Variants in NAPRT observed in about 807,000 individuals in gnomAD.
NAPRT encodes the protein FHA-HIT-interacting protein.
In NAPRT, 66 loss-of-function variants were observed where a neutral mutation model predicts 60.7. The observed-to-expected ratio is 1.09, with a 90% CI of 0.89 to 1.33. NAPRT has a LOEUF of 1.33. Among genes scored for constraint, NAPRT ranks in the 40% most tolerant of loss-of-function variants. NAPRT has a pLI of 0.00. For missense variants in NAPRT, 818 were observed against 731.5 expected, an observed-to-expected ratio of 1.12 and a Z score of -1.36; for synonymous variants, 405 against 335.7, an observed-to-expected ratio of 1.21 and a Z score of -2.26.
intron 5 of NAPRT, 82 bp from the exon 6 acceptor site, chr8:143,576,924 A>T (rs908758086): frequency 1.3e-6 from 2 of 1,507,916 alleles, no homozygotes; most frequent in African/African-American, 1.4e-5. Flanking sequence ...CTAGTTTGAG[A>T]GCAAAGGTAA....
rs1243001414 is a variant in NAPRT at position 143,578,322 on chromosome 8, G to C, written c.-4C>G. 2 of 1,354,456 alleles carry C rather than the reference G, an allele frequency of 1.5e-6. No individual in the cohort carries two copies. Among genetic ancestry groups the C allele is most frequent in the Non-Finnish European group, 9.4e-7 (1 of 1,062,222 alleles). The allele number at this position is 1,354,456 out of a possible 1,614,324, so 83.9% of individuals were successfully genotyped here. A position where few individuals can be genotyped will look rare whatever the true frequency, so the allele number is the denominator to read the frequency against. On this transcript the variant is annotated 5_prime_UTR_variant, in exon 1 of 13. Coordinates refer to ENST00000449291, the MANE Select transcript of NAPRT (RefSeq NM_145201.6). ...CGGGGTCCTGCTCCGCCGCCATCCTGCTCCCGACGTCCGGACTCCGCCCCG... is the reference window on the plus strand; with the variant it reads ...CGGGGTCCTGCTCCGCCGCCATCCTCCTCCCGACGTCCGGACTCCGCCCCG...
At chr8:143,572,900 C>T (rs1410583973), downstream of NAPRT, 5 of 666,586 alleles carry the variant, frequency 7.5e-6, no homozygotes, top group Non-Finnish European at 1.2e-5. Flanking sequence ...CCTGCCTGGG[C>T]TGCTGGAGGG....
At chr8:143,576,335 C>T (rs114291348) in intron 7 of NAPRT, 97 bp downstream of exon 7, 57,789 of 1,484,988 alleles carry the variant, frequency 0.039, 1,583 homozygotes, top group Admixed American at 0.12. Flanking sequence ...GCAGTATCAC[C>T]GCTGAAACTT....
rs1460190862 is a variant in NAPRT at position 143,577,164 on chromosome 8, G to A, written c.582C>T (p.Ser194=). The A allele has an allele frequency of 1.2e-6, 2 of 1,612,140 alleles. No homozygotes were observed. Among genetic ancestry groups the A allele is most frequent in the Admixed American group, 1.7e-5 (1 of 59,962 alleles). ...TYSYLGGFDS[S]SNVLAGQLRG... is the part of the protein sequence containing the mutation. ...GCAGCTGGCCCGCTAGCACGTTGCT[G>A]CTGCTGTCGAAGCCTGGGGAGGAAG... Residue 194 remains serine (S), a synonymous_variant, in exon 5 of 13, where the codon AGC becomes AGT. Transcript: ENST00000449291.
In NAPRT at chr8:143,576,533, C is replaced by T. The variant is rs1487979666; in HGVS notation, c.921G>A (p.Leu307=). The T allele has an allele frequency of 6.2e-7, 1 of 1,612,232 alleles. No individual in the cohort carries two copies. The highest frequency in any genetic ancestry group is 8.5e-7 in the Non-Finnish European group (1 of 1,179,670). The change falls in exon 7 of 13, where the codon CTG becomes CTA. Residue 307 remains leucine (L), a synonymous_variant. Transcript: ENST00000449291. ...LPNFLAVALA[L]GELGYRAVGV... ...CCACTGCCCGGTAGCCCAGCTCTCCCAGGGCCAGGGCGACTGCTAGGAAGT... is the reference window on the plus strand; with the variant it reads ...CCACTGCCCGGTAGCCCAGCTCTCCTAGGGCCAGGGCGACTGCTAGGAAGT...
At position 143,576,747 on chromosome 8, in the gene NAPRT, C is replaced by T. The variant is rs1824493792; in HGVS notation, c.780G>A (p.Gly260=). 2 of 1,607,720 alleles carry T rather than the reference C, an allele frequency of 1.2e-6. No homozygotes were observed. The highest frequency in any genetic ancestry group is 2.7e-5 in the African/African-American group (2 of 74,808). The change falls in exon 6 of 13, where the codon GGG becomes GGA. Residue 260 remains glycine, a synonymous_variant. Transcript: ENST00000449291. Reference sequence around the variant, plus strand: ...GCTCGCCTGGATGCGGCTCCTGCACCCCCAGCCCCAGGTGGGCACACACCT... The same window carrying T: ...GCTCGCCTGGATGCGGCTCCTGCACTCCCAGCCCCAGGTGGGCACACACCT... The part of the protein sequence containing the change: ...LEQVCAHLGL[G]VQEPHPGERA...
Position 143,575,056 on chromosome 8 carries a change from G to C in NAPRT, c.1484C>G (p.Ala495Gly), listed in dbSNP as rs1402968073. ...EPLPSLAESR[A>G]LAQLSLSRLS... ...TCGGCTCAGGGACAGCTGGGCCAAG[G>C]CTCTAGACTCTGCCAGGGATGGGAG... Residue 495 changes from alanine (A) to glycine (G), a missense_variant, in exon 12 of 13, where the codon GCC becomes GGC. Physicochemically the swap from Ala to Gly is moderately conservative, Grantham distance 60. Coordinates refer to ENST00000449291, the MANE Select transcript of NAPRT (RefSeq NM_145201.6). 6.6e-7 allele frequency: 1 copy of C among 1,509,232 alleles called. No homozygotes were observed. Among genetic ancestry groups the C allele is most frequent in the African/African-American group, 1.4e-5 (1 of 72,306 alleles). 93.5% of individuals were successfully genotyped at this position (1,509,232 alleles called of 1,614,324 possible).
In NAPRT at chr8:143,577,385, T is replaced by C; in HGVS notation, c.452A>G (p.Asn151Ser). 1 of 1,607,842 alleles carries C rather than the reference T, an allele frequency of 6.2e-7. No individual in the cohort carries two copies. Among genetic ancestry groups the C allele is most frequent in the Non-Finnish European group, 8.5e-7 (1 of 1,178,172 alleles). Residue 151 changes from asparagine to serine, a missense_variant, in exon 4 of 13, where the codon AAC (asparagine) becomes AGC (serine). Coordinates refer to ENST00000449291, the MANE Select transcript of NAPRT (RefSeq NM_145201.6). The part of the protein sequence containing the change: ...LVSYASLVAT[N>S]AARLRLIAGP... ...TGCGATCAAGCGAAGCCGCGCTGCG[T>C]TGGTGGCCACCAGGCTGTGGGGAGC...
rs148205878 is a variant in NAPRT at position 143,576,721 on chromosome 8, C to T, written c.806G>A (p.Arg269Gln). The T allele has an allele frequency of 3.8e-5, 61 of 1,609,266 alleles. No individual in the cohort carries two copies. The Admixed American group carries it at 6.0e-4, about 16-fold the overall frequency. The change falls in exon 6 of 13, where the codon CGG becomes CAG. Residue 269 changes from arginine to glutamine, a missense_variant. Coordinates refer to ENST00000449291, the MANE Select transcript of NAPRT (RefSeq NM_145201.6). ...LGVQEPHPGE[R>Q]AAFVAYALAF... ...CAAGGCATAGGCCACAAAGGCTGCC[C>T]GCTCGCCTGGATGCGGCTCCTGCAC...
Position 143,577,941 on chromosome 8 carries a change from C to T in NAPRT, c.229G>A (p.Val77Met), listed in dbSNP as rs754994911. The T allele has an allele frequency of 3.1e-6, 5 of 1,608,248 alleles. No homozygotes were observed. The highest frequency in any genetic ancestry group is 1.1e-5 in the South Asian group (1 of 90,820). ...GGCAGCACCGAGGCCAGGAACTGCA[C>T]GTCTGGAAACGAGGTAACTGCGCTG... ...LRAFRLRDADVQFLASVLPPD... is the reference protein window; with the variant it reads ...LRAFRLRDADMQFLASVLPPD... The change falls in exon 2 of 13, where the codon GTG becomes ATG. Residue 77 changes from valine to methionine, a missense_variant and splice_region_variant. Coordinates refer to ENST00000449291, the MANE Select transcript of NAPRT (RefSeq NM_145201.6).
chr8:143,576,431 C>T lies in NAPRT; in HGVS notation c.1022+1G>A. On this transcript the variant is annotated splice_donor_variant, in intron 7 of 12. Coordinates refer to ENST00000449291, the MANE Select transcript of NAPRT (RefSeq NM_145201.6). LOFTEE classifies it high-confidence loss of function. ...GCACACCTCCTCCCCGGGAAACTCACTGGGCTGCAGCAGCTCGGAAGACCT... is the reference window on the plus strand; with the variant it reads ...GCACACCTCCTCCCCGGGAAACTCATTGGGCTGCAGCAGCTCGGAAGACCT... 1.3e-6 allele frequency: 2 copies of T among 1,599,964 alleles called. No homozygotes were observed. The highest frequency in any genetic ancestry group is 1.7e-6 in the Non-Finnish European group (2 of 1,172,036).
At position 143,576,682 on chromosome 8, in the gene NAPRT, G is replaced by A. The variant is rs555941939; in HGVS notation, c.845C>T (p.Ala282Val). 3 of 1,611,358 alleles carry A rather than the reference G, an allele frequency of 1.9e-6. No individual in the cohort carries two copies. The highest frequency in any genetic ancestry group is 2.2e-5 in the East Asian group (1 of 44,832). The change falls in exon 6 of 13, where the codon GCC becomes GTC. Residue 282 changes from alanine (A) to valine (V), a missense_variant. By Grantham distance (64) the Ala-to-Val change is moderately conservative. Transcript: ENST00000449291. ...GTAGGTGTCCAGGAGGCCCTGGAAG[G>A]CCCGGGGAAAAGCCAAGGCATAGGC... ...FVAYALAFPR[A>V]FQGLLDTYSV... is the part of the protein sequence containing the mutation.
intron 3 of NAPRT, 54 bp downstream of exon 3, chr8:143,577,603 G>T (rs1248296390): frequency 6.6e-7 from 1 of 1,525,548 alleles, no homozygotes; most frequent in Admixed American, 2.0e-5. Flanking sequence ...ACGGAGCCCC[G>T]GCGCTGGGGG....
chr8:143,573,272 C>CAGTGA (rs1824186139), downstream of NAPRT, among the ~76,000 whole-genome samples: 1 of 152,214 alleles, frequency 6.6e-6, no homozygotes, highest in South Asian at 2.1e-4. Context: ...GAGCTTGGGG[C>CAGTGA]AGCCCGGAGG....
rs375446957 is a variant in NAPRT at position 143,576,912 on chromosome 8, C to T, written c.685-70G>A. On this transcript the variant is annotated intron_variant, in intron 5 of 12. Coordinates refer to ENST00000449291, the MANE Select transcript of NAPRT (RefSeq NM_145201.6). ...TGAGGCCTGGGAGCAGCCAGGGACA[C>T]CCTAGTTTGAGAGCAAAGGTAATGC... 5.9e-6 allele frequency: 9 copies of T among 1,521,124 alleles called. No individual in the cohort carries two copies. The African/African-American group carries it at 6.8e-5, about 12-fold the overall frequency. The allele number at this position is 1,521,124 out of a possible 1,614,324, so 94.2% of individuals were successfully genotyped here.
At position 143,577,185 on chromosome 8, in the gene NAPRT, G is replaced by A. The variant is rs1824530732; in HGVS notation, c.569-8C>T. 1 of 1,610,304 alleles carries A rather than the reference G, an allele frequency of 6.2e-7. No individual in the cohort carries two copies. The highest frequency in any genetic ancestry group is 1.1e-5 in the South Asian group (1 of 90,908). ...TGCTGCTGCTGTCGAAGCCTGGGGAGGAAGGCGGTGGGATTGGGGGACCTC... is the reference window on the plus strand; with the variant it reads ...TGCTGCTGCTGTCGAAGCCTGGGGAAGAAGGCGGTGGGATTGGGGGACCTC... On this transcript the variant is annotated splice_region_variant and splice_polypyrimidine_tract_variant and intron_variant, in intron 4 of 12. Transcript: ENST00000449291.
chr8:143,573,201 C>T (rs1240794360), downstream of NAPRT, among the ~76,000 whole-genome samples: 1 of 151,640 alleles, frequency 6.6e-6, no homozygotes, highest in African/African-American at 2.4e-5. Flanking sequence ...GCCCCCTGCA[C>T]GCTGGCTCCG....
At chr8:143,574,722 G>A (rs1338872337), downstream of NAPRT, 26 of 1,277,772 alleles carry the variant, frequency 2.0e-5, no homozygotes, top group Middle Eastern at 1.8e-4. Context: ...CAGCCCAGCC[G>A]CAGCCCGGGA....
rs376795388 is a variant in NAPRT at position 143,575,508 on chromosome 8, G to T, written c.1206C>A (p.Gly402=). ...CCTCGGTCAGCTTCATTCGTGGCTG[G>T]CCCCCCACGGCCACCAGCTGCAGGA... ...GGVYKLVAVG[G]QPRMKLTEDP... The change falls in exon 10 of 13, where the codon GGC becomes GGA. Residue 402 remains glycine (G), a synonymous_variant. Coordinates refer to ENST00000449291, the MANE Select transcript of NAPRT (RefSeq NM_145201.6). The T allele has an allele frequency of 3.5e-5, 56 of 1,598,292 alleles. No individual in the cohort carries two copies. The highest frequency in any genetic ancestry group is 4.4e-5 in the Non-Finnish European group (51 of 1,167,978).
Sources: allele counts gnomAD v4.1 joint callset (sites outside exome capture counted in the v4.1 genomes callset), GRCh38; gene constraint gnomAD v4.1.1; transcripts MANE v1.5; gene names NCBI Gene and HGNC (gene_info 2026-07-23, HGNC 2026-07-21).